The following RNF212B variants were observed in gnomAD, a reference collection of about 807,000 sequenced individuals.
RNF212B encodes ring finger protein 212B, also known as E3 ubiquitin-protein ligase RNF212B.
In RNF212B, 52 loss-of-function variants were observed where a neutral mutation model predicts 55.5. That is an observed-to-expected ratio of 0.94 (90% CI 0.75 to 1.18). The LOEUF is 1.18. Ranked by LOEUF, RNF212B falls within the 50% of genes most tolerant of loss-of-function variation. RNF212B has a pLI of 0.00. For missense variants in RNF212B, 289 were observed against 350.4 expected (o/e 0.82, Z 1.40); for synonymous variants, 99 against 121.4 (o/e 0.82, Z 1.21).
intron 14 of RNF212B, chr14:23,272,409 A>G (rs1285158213): frequency 1.2e-5 from 3 of 249,032 alleles, no homozygotes; most frequent in East Asian, 3.1e-4. Flanking sequence ...ACAGAGCGAG[A>G]CTCCATCTCA....
At chr14:23,218,237 A>G (rs1464833141) in intron 2 of RNF212B, among the ~76,000 whole-genome samples, 1 of 151,814 alleles carries the variant, frequency 6.6e-6, no homozygotes, top group Admixed American at 6.6e-5. Flanking sequence ...GCGTGGTGGC[A>G]CACACCTGTA....
chr14:23,227,458 A>T (rs11624694), intron 2 of RNF212B, among the ~76,000 whole-genome samples: 1 of 151,986 alleles, frequency 6.6e-6, no homozygotes, highest in Non-Finnish European at 1.5e-5. Flanking sequence ...GGCTGATTAC[A>T]TGGGTGTGTT....
intron 2 of RNF212B, among the ~76,000 whole-genome samples, chr14:23,198,415 C>G (rs192510964): frequency 2.0e-5 from 3 of 152,200 alleles, no homozygotes; most frequent in African/African-American, 7.2e-5. Context: ...CGTGGTGGCT[C>G]ACGCCTGAAA....
chr14:23,262,066 A>G (rs892025286), intron 7 of RNF212B, among the ~76,000 whole-genome samples: 13 of 152,218 alleles, frequency 8.5e-5, no homozygotes, highest in African/African-American at 3.1e-4. Flanking sequence ...TATGGATTAA[A>G]GAGACACTGC....
intron 2 of RNF212B, among the ~76,000 whole-genome samples, chr14:23,203,482 C>CTTTTTTT (rs35208170): frequency 9.6e-5 from 12 of 124,596 alleles, no homozygotes; most frequent in East Asian, 2.9e-4. Context: ...TTTAGTCCCC[C>CTTTTTTT]TTTTTTTTTT....
At chr14:23,248,438 C>T (rs112562358) in intron 4 of RNF212B, among the ~76,000 whole-genome samples, 11,283 of 135,098 alleles carry the variant, frequency 0.084, 604 homozygotes, top group African/African-American at 0.15. Context: ...AACCCCAAGC[C>T]TCTTTTTTTT....
rs778512125 is a variant in RNF212B, at chr14:23,264,173, G to A, written c.525-1G>A. On this transcript the variant is annotated splice_acceptor_variant, in intron 9 of 14. Transcript: ENST00000430154. LOFTEE classifies it high-confidence loss of function. Reference sequence around the variant, plus strand: ...TTTTCTTTTTGTTTCACCTTATACAGTCGGTCCTCCTCAGCGGAATCTATT... The same window carrying A: ...TTTTCTTTTTGTTTCACCTTATACAATCGGTCCTCCTCAGCGGAATCTATT... 18 of 1,548,586 alleles carry A rather than the reference G, an allele frequency of 1.2e-5. No individual in the cohort carries two copies. In the East Asian group the frequency reaches 4.4e-4, roughly 38 times the overall value.
At chr14:23,267,356 T>C (rs948340588) in intron 11 of RNF212B, among the ~76,000 whole-genome samples, 1 of 152,216 alleles carries the variant, frequency 6.6e-6, no homozygotes, top group African/African-American at 2.4e-5. Context: ...GACTCTATTG[T>C]TAGATGCACA....
chr14:23,248,695 CT>C (rs1424130678), intron 4 of RNF212B, among the ~76,000 whole-genome samples: 1 of 152,228 alleles, frequency 6.6e-6, no homozygotes, highest in East Asian at 1.9e-4. Context: ...CCACCTCAGC[CT>C]CCCAAAGTGC....
intron 2 of RNF212B, among the ~76,000 whole-genome samples, chr14:23,215,956 A>G (rs1235816649): frequency 1.3e-5 from 2 of 152,222 alleles, no homozygotes; most frequent in Non-Finnish European, 2.9e-5. Context: ...AGCAACCATT[A>G]AAACATTTGC....
chr14:23,209,207 A>G (rs980111217), intron 2 of RNF212B, among the ~76,000 whole-genome samples: 2 of 150,628 alleles, frequency 1.3e-5, no homozygotes, highest in Non-Finnish European at 2.9e-5. Flanking sequence ...GTGTAGCAGT[A>G]AGGACGACCA....
At chr14:23,252,634 T>C (rs1175580656) in intron 4 of RNF212B, among the ~76,000 whole-genome samples, 1 of 152,128 alleles carries the variant, frequency 6.6e-6, no homozygotes, top group Non-Finnish European at 1.5e-5. Context: ...GGACAGGTAG[T>C]AAGCCAAGGT....
intron 2 of RNF212B, among the ~76,000 whole-genome samples, chr14:23,221,266 C>T (rs1025849979): frequency 2.7e-5 from 4 of 150,646 alleles, no homozygotes; most frequent in Non-Finnish European, 5.9e-5. Flanking sequence ...ACACGCTTCA[C>T]TTATACAGAT....
chr14:23,235,954 A>T (rs1883062270), upstream of RNF212B, among the ~76,000 whole-genome samples: 1 of 152,226 alleles, frequency 6.6e-6, no homozygotes, highest in South Asian at 2.1e-4. Flanking sequence ...CTGAATTTTT[A>T]TGTGATATCA....
At chr14:23,226,581 A>T (rs1882040530) in intron 2 of RNF212B, among the ~76,000 whole-genome samples, 1 of 151,992 alleles carries the variant, frequency 6.6e-6, no homozygotes, top group South Asian at 2.1e-4. Context: ...CAGTGAGCCG[A>T]GATCGCGCCA....
rs577177514 is a variant in RNF212B at position 23,194,298 on chromosome 14, G to C, written c.-2+897G>C. Among the ~76,000 whole-genome samples the C allele has an allele frequency of 4.6e-5, 7 of 152,158 alleles. No homozygotes were observed. The East Asian group carries it at 1.4e-3, about 29-fold the overall frequency. On this transcript the variant is annotated intron_variant, in intron 2 of 15. Transcript: ENST00000399910. ...GGAGGCCAATATAAAATAATTAAAA[G>C]AACACTCAAGAAGATATGACAATCT...
intron 14 of RNF212B, among the ~76,000 whole-genome samples, chr14:23,271,073 G>C (rs754086831): frequency 6.6e-6 from 1 of 152,154 alleles, no homozygotes; most frequent in Non-Finnish European, 1.5e-5. Flanking sequence ...AAATTTATGG[G>C]ACTATGATTC....
At chr14:23,226,883 T>C (rs1882084705) in intron 2 of RNF212B, among the ~76,000 whole-genome samples, 2 of 147,528 alleles carry the variant, frequency 1.4e-5, no homozygotes. Context: ...GCTCAAGTAA[T>C]CCTCCGGGTT....
chr14:23,259,025 A>T (rs1294956003), intron 5 of RNF212B, among the ~76,000 whole-genome samples: 1 of 151,760 alleles, frequency 6.6e-6, no homozygotes, highest in Non-Finnish European at 1.5e-5. Flanking sequence ...CTAAAAAAAA[A>T]AAAATTTTAA....
Sources: allele counts gnomAD v4.1 joint callset (sites outside exome capture counted in the v4.1 genomes callset), GRCh38; gene constraint gnomAD v4.1.1; transcripts MANE v1.5; gene names NCBI Gene and HGNC (gene_info 2026-07-23, HGNC 2026-07-21).